The following JAK2 variants were observed in gnomAD, a reference collection of about 807,000 sequenced individuals.
JAK2 encodes the protein tyrosine-protein kinase JAK2.
A neutral mutation model predicts 139.3 loss-of-function variants in JAK2; 86 were observed. That is an observed-to-expected ratio of 0.62 (90% confidence interval 0.52 to 0.74). JAK2 has a LOEUF of 0.74. JAK2 is among the 30% of genes least tolerant of loss of function. JAK2 has a pLI of 0.00. For missense variants in JAK2, 1,421 were observed against 1,360.3 expected, an observed-to-expected ratio of 1.04 and a Z score of -0.70; for synonymous variants, 490 against 437.7, an observed-to-expected ratio of 1.12 and a Z score of -1.49.
At chr9:5,041,236 G>T in intron 4 of JAK2, 1 of 1,465,588 alleles carries the variant, frequency 6.8e-7, no homozygotes, top group Non-Finnish European at 9.4e-7. Context: ...CGGGGACCAA[G>T]CGGCAGCACG....
chr9:5,126,830 A>G lies in JAK2; in HGVS notation c.*39A>G, dbSNP rs535968745. ...CATTCTGAGACCAAAGTAGATTTACAGAACAAAGTTTTATATTTCACATTG... is the reference window on the plus strand; with the variant it reads ...CATTCTGAGACCAAAGTAGATTTACGGAACAAAGTTTTATATTTCACATTG... On this transcript the variant is annotated 3_prime_UTR_variant, in exon 25 of 25. Coordinates refer to ENST00000381652, the MANE Select transcript of JAK2 (RefSeq NM_004972.4). 21 of 1,283,844 alleles carry G rather than the reference A, an allele frequency of 1.6e-5. No individual in the cohort carries two copies. The African/African-American group carries it at 2.2e-4, about 14-fold the overall frequency. 79.5% of individuals were successfully genotyped at this position (1,283,844 alleles called of 1,614,324 possible).
chr9:5,122,979 T>C (rs1369198944), intron 22 of JAK2, 25 bp from the exon 23 acceptor site: 2 of 1,462,150 alleles, frequency 1.4e-6, no homozygotes, highest in South Asian at 2.4e-5. Flanking sequence ...TAACTGTCTT[T>C]TAAATGTTAT....
chr9:5,042,124 CTTT>C (rs71326152), intron 4 of JAK2, among the ~76,000 whole-genome samples: 1 of 107,608 alleles, frequency 9.3e-6, no homozygotes, highest in African/African-American at 3.8e-5. Flanking sequence ...GCCAAAATTT[CTTT>C]TTTTTTTTTT....
At chr9:5,059,745 G>A (rs1170672940) in intron 8 of JAK2, among the ~76,000 whole-genome samples, 1 of 152,142 alleles carries the variant, frequency 6.6e-6, no homozygotes, top group Non-Finnish European at 1.5e-5. Context: ...AGTTTGTCTG[G>A]TGGATGTGTA....
chr9:5,108,727 T>C lies in JAK2; in HGVS notation c.3060-14277T>C, dbSNP rs995473862. On this transcript the variant is annotated intron_variant, in intron 22 of 24. Transcript: ENST00000381652. ...TTCCTCACACTATCCCTATGAGGGA[T>C]AGTTATGACAAGCTCCATTTGTCTA... 7 of 152,148 alleles carry C rather than the reference T, an allele frequency of 4.6e-5. No homozygotes were observed. In the South Asian group the frequency reaches 1.5e-3, roughly 32 times the overall value. 9.4% of individuals were successfully genotyped at this position (152,148 alleles called of 1,614,324 possible).
At chr9:5,001,069 G>A (rs1287312506) in intron 2 of JAK2, among the ~76,000 whole-genome samples, 1 of 152,162 alleles carries the variant, frequency 6.6e-6, no homozygotes, top group Admixed American at 6.5e-5. Flanking sequence ...TGTGATACTG[G>A]TAAATTCATT....
At chr9:5,043,644 G>A (rs941420024) in intron 4 of JAK2, among the ~76,000 whole-genome samples, 3 of 152,162 alleles carry the variant, frequency 2.0e-5, no homozygotes, top group African/African-American at 7.2e-5. Flanking sequence ...ACTTGTACAT[G>A]ACTCTTCATA....
At chr9:5,000,577 A>G (rs986257290) in intron 2 of JAK2, among the ~76,000 whole-genome samples, 14 of 152,184 alleles carry the variant, frequency 9.2e-5, no homozygotes, top group African/African-American at 2.9e-4. Flanking sequence ...AGGCTTTGTT[A>G]TGCCAACTTT....
chr9:5,109,136 C>T (rs1822224748), intron 22 of JAK2: 1 of 152,166 alleles, frequency 6.6e-6, no homozygotes, highest in Admixed American at 6.5e-5. Flanking sequence ...CAACCCTCTA[C>T]TCCCTACATG....
intron 6 of JAK2, among the ~76,000 whole-genome samples, chr9:5,053,047 T>G (rs548427365): frequency 1.3e-5 from 2 of 152,166 alleles, no homozygotes; most frequent in African/African-American, 4.8e-5. Flanking sequence ...TGGTAACTGT[T>G]TAACTTTTTG....
At chr9:5,095,457 C>G (rs1820916379) in intron 22 of JAK2, among the ~76,000 whole-genome samples, 1 of 152,168 alleles carries the variant, frequency 6.6e-6, no homozygotes, top group African/African-American at 2.4e-5. Flanking sequence ...TCCTTTTCAA[C>G]AACCCGTCCT....
chr9:5,101,657 C>T (rs1433239896), intron 22 of JAK2, among the ~76,000 whole-genome samples: 3 of 152,218 alleles, frequency 2.0e-5, no homozygotes, highest in East Asian at 1.9e-4. Flanking sequence ...AGGTGGGTGC[C>T]TGTCTGGGAC....
chr9:5,078,465 A>G, intron 16 of JAK2, 21 bp downstream of exon 16: 2 of 1,593,100 alleles, frequency 1.3e-6, no homozygotes, highest in Non-Finnish European at 1.7e-6. Flanking sequence ...GAAGGATTAT[A>G]TATAATGTTA....
At chr9:5,118,679 T>G (rs571371882) in intron 22 of JAK2, among the ~76,000 whole-genome samples, 1 of 152,206 alleles carries the variant, frequency 6.6e-6, no homozygotes, top group Non-Finnish European at 1.5e-5. Flanking sequence ...AGAAAACTTG[T>G]TTGTGTAAGT....
intron 2 of JAK2, among the ~76,000 whole-genome samples, chr9:5,001,558 C>T (rs1265249287): frequency 6.6e-6 from 1 of 151,856 alleles, no homozygotes; most frequent in Non-Finnish European, 1.5e-5. Flanking sequence ...GGTGTTCTGA[C>T]CTTTTTATAT....
At chr9:5,112,706 C>A in intron 22 of JAK2, 1 of 856,416 alleles carries the variant, frequency 1.2e-6, no homozygotes. Flanking sequence ...GCAGCAAGTG[C>A]GAGAGCGGAA....
rs560012529 is a variant in JAK2, at chr9:5,005,520, G to T, written c.-25-16443G>T. Among the ~76,000 whole-genome samples the T allele has an allele frequency of 2.0e-5, 3 of 152,116 alleles. No homozygotes were observed. The South Asian group carries it at 6.2e-4, about 32-fold the overall frequency. ...GCACTCCTGGGGGTAAATTCATTTG[G>T]TCAAGATGTATTCTTTTAAAGTGTT... On this transcript the variant is annotated intron_variant, in intron 2 of 24. Transcript: ENST00000381652.
intron 21 of JAK2, 81 bp from the exon 22 acceptor site, chr9:5,090,658 T>G (rs1820505770): frequency 3.3e-6 from 5 of 1,514,210 alleles, no homozygotes; most frequent in Non-Finnish European, 4.4e-6. Context: ...TCATAGATAA[T>G]AAAGGGAATA....
intron 8 of JAK2, among the ~76,000 whole-genome samples, chr9:5,061,869 C>A (rs1203560444): frequency 6.6e-6 from 1 of 152,144 alleles, no homozygotes; most frequent in African/African-American, 2.4e-5. Flanking sequence ...ATGGGTGAAT[C>A]TTCCTTTCAC....
Sources: allele counts gnomAD v4.1 joint callset (sites outside exome capture counted in the v4.1 genomes callset), GRCh38; gene constraint gnomAD v4.1.1; transcripts MANE v1.5; gene names NCBI Gene and HGNC (gene_info 2026-07-23, HGNC 2026-07-21).